Variants in ZNF536 observed in about 807,000 individuals in gnomAD.
ZNF536 encodes zinc finger protein 536.
In ZNF536, 13 loss-of-function variants were observed where a neutral mutation model predicts 84.5. The observed-to-expected ratio is 0.15, with a 90% CI of 0.10 to 0.24. The LOEUF (loss-of-function observed/expected upper bound fraction) is 0.24, where lower values mean the gene tolerates loss of function less well. ZNF536 is among the 10% of genes least tolerant of loss of function. The probability of loss-of-function intolerance (pLI) is 1.00; values close to 1 mark genes in which losing one functional copy is unlikely to be tolerated. For missense variants in ZNF536, 1,536 were observed against 1,747.5 expected (o/e 0.88, Z 2.16); for synonymous variants, 811 against 742.5 (o/e 1.09, Z -1.50).
Position 30,414,341 on chromosome 19 carries a change from A to G in ZNF536, c.-2-29220A>G, listed in dbSNP as rs11881190. 5.5e-3 allele frequency among the ~76,000 whole-genome samples: 832 copies of G among 152,174 alleles called. 7 individuals are homozygous for G. The highest frequency in any genetic ancestry group is 0.018 in the African/African-American group (763 of 41,528). Reference sequence around the variant, plus strand: ...ATTTGAAATTCTTTCTTTTTTATACATGATTTTAACCCATTAACATTTATT... The same window carrying G: ...ATTTGAAATTCTTTCTTTTTTATACGTGATTTTAACCCATTAACATTTATT... On this transcript the variant is annotated intron_variant, in intron 1 of 4. Coordinates refer to ENST00000355537, the MANE Select transcript of ZNF536 (RefSeq NM_014717.3).
At chr19:30,473,888 C>A (rs940996677) in intron 2 of ZNF536, among the ~76,000 whole-genome samples, 1 of 152,226 alleles carries the variant, frequency 6.6e-6, no homozygotes, top group Non-Finnish European at 1.5e-5. Context: ...CTCAGTTCCA[C>A]CAGGCACCAG....
At chr19:30,475,971 G>C (rs1442255653) in intron 2 of ZNF536, among the ~76,000 whole-genome samples, 1 of 152,126 alleles carries the variant, frequency 6.6e-6, no homozygotes, top group East Asian at 1.9e-4. Flanking sequence ...TGGTAGCTTT[G>C]TTCTGATGAT....
chr19:30,609,630 G>A, intron 1 of ZNF536, among the ~76,000 whole-genome samples: 1 of 152,220 alleles, frequency 6.6e-6, no homozygotes, highest in East Asian at 1.9e-4. Flanking sequence ...AATGAAGCTT[G>A]TATAGTTAGG....
intron 1 of ZNF536, among the ~76,000 whole-genome samples, chr19:30,415,911 A>C (rs1288491264): frequency 2.6e-5 from 4 of 152,202 alleles, no homozygotes; most frequent in African/African-American, 9.6e-5. Context: ...TGCCCGGCCC[A>C]TCATCATCAT....
At chr19:30,596,902 A>G (rs966123749) in intron 1 of ZNF536, among the ~76,000 whole-genome samples, 21 of 150,612 alleles carry the variant, frequency 1.4e-4, no homozygotes, top group Non-Finnish European at 5.9e-5. Flanking sequence ...CTCTCTTATT[A>G]CTGGACTAGC....
In ZNF536 at chr19:30,472,600, C is replaced by T. The variant is rs190713238; in HGVS notation, c.2170+26868C>T. On this transcript the variant is annotated intron_variant, in intron 2 of 4. Coordinates refer to ENST00000355537, the MANE Select transcript of ZNF536 (RefSeq NM_014717.3). ...AGTGTAGTGATGGATAAACGCACTT[C>T]GAGGCACAGGTGACTTAAAGAAATT... 3.5e-3 allele frequency among the ~76,000 whole-genome samples: 531 copies of T among 152,238 alleles called. 3 individuals are homozygous for T. The highest frequency in any genetic ancestry group is 0.012 in the African/African-American group (507 of 41,526).
intron 2 of ZNF536, among the ~76,000 whole-genome samples, chr19:30,285,521 G>A (rs1035771219): frequency 2.0e-5 from 3 of 152,208 alleles, no homozygotes; most frequent in Non-Finnish European, 4.4e-5. Flanking sequence ...GAAAGGCAAA[G>A]TAGGAAGCAA....
rs1305290977 is a variant in ZNF536, at chr19:30,564,546, G to C, written c.169+15032G>C. Among the ~76,000 whole-genome samples, 4 of 152,100 alleles carry C rather than the reference G, an allele frequency of 2.6e-5. No homozygotes were observed. The East Asian group carries it at 7.8e-4, about 29-fold the overall frequency. On this transcript the variant is annotated intron_variant, in intron 1 of 1. Coordinates refer to the ZNF536 transcript ENST00000592773. ...CACTGCTGGTGGTCCTGGTGGTCAGGCTGGGGAGAAGGGTGCTCAGTGGCT... is the reference window on the plus strand; with the variant it reads ...CACTGCTGGTGGTCCTGGTGGTCAGCCTGGGGAGAAGGGTGCTCAGTGGCT...
At chr19:30,355,800 A>G (rs1000778697) in intron 3 of ZNF536, among the ~76,000 whole-genome samples, 6 of 152,102 alleles carry the variant, frequency 3.9e-5, no homozygotes, top group African/African-American at 1.4e-4. Context: ...GTGAACTGCG[A>G]ATGTGAGGGA....
chr19:30,494,425 G>C (rs1264145494), intron 2 of ZNF536, among the ~76,000 whole-genome samples: 1 of 152,190 alleles, frequency 6.6e-6, no homozygotes, highest in Non-Finnish European at 1.5e-5. Context: ...AAGGCACCTG[G>C]TAAGGCTGGG....
chr19:30,259,775 C>T (rs1394968383), intron 1 of ZNF536, among the ~76,000 whole-genome samples: 5 of 152,018 alleles, frequency 3.3e-5, no homozygotes, highest in African/African-American at 1.2e-4. Context: ...TTTTCTGAGA[C>T]AGAGTCTTGC....
At chr19:30,493,756 A>G (rs1036783041) in intron 2 of ZNF536, among the ~76,000 whole-genome samples, 1 of 152,188 alleles carries the variant, frequency 6.6e-6, no homozygotes, top group African/African-American at 2.4e-5. Context: ...CGTTCCACTT[A>G]GGGGCTGTTC....
Position 30,364,068 on chromosome 19 carries a change from AT to A in ZNF536, c.-3+11585del, listed in dbSNP as rs568394196. On this transcript the variant is annotated intron_variant, in intron 3 of 5. Coordinates refer to the ZNF536 transcript ENST00000585628. ...GATACAGGTGTGAGATGTATAGGAT[AT>A]AGCATAAGAGCAGGCAAGCGTGGAG... Among the ~76,000 whole-genome samples the A allele has an allele frequency of 4.9e-4, 75 of 152,318 alleles. 2 individuals carry two copies. The South Asian group carries it at 0.014, about 29-fold the overall frequency.
chr19:30,648,129 C>T (rs989103488), intron 1 of ZNF536, among the ~76,000 whole-genome samples: 2 of 152,044 alleles, frequency 1.3e-5, no homozygotes, highest in African/African-American at 4.8e-5. Flanking sequence ...TGCCTGTGTT[C>T]CCAGAACACA....
At chr19:30,681,776 C>A (rs532742836) in intron 1 of ZNF536, among the ~76,000 whole-genome samples, 1 of 152,304 alleles carries the variant, frequency 6.6e-6, no homozygotes, top group South Asian at 2.1e-4. Flanking sequence ...CTCCAGTCCT[C>A]CAGGTCCAGT....
intron 2 of ZNF536, among the ~76,000 whole-genome samples, chr19:30,458,536 T>G (rs1469808416): frequency 7.2e-6 from 1 of 138,052 alleles, no homozygotes; most frequent in Non-Finnish European, 1.5e-5. Context: ...CACTGCAACC[T>G]CCACCTCCCA....
intron 2 of ZNF536, among the ~76,000 whole-genome samples, chr19:30,480,365 C>T (rs991896476): frequency 1.3e-5 from 2 of 152,180 alleles, no homozygotes; most frequent in Non-Finnish European, 2.9e-5. Context: ...AACTATAGTT[C>T]CTTTCTCAGT....
chr19:30,258,668 T>C (rs992597928), intron 1 of ZNF536, among the ~76,000 whole-genome samples: 1 of 151,646 alleles, frequency 6.6e-6, no homozygotes, highest in Non-Finnish European at 1.5e-5. Context: ...AAGTCATATG[T>C]AGTCATCAAA....
intron 1 of ZNF536, among the ~76,000 whole-genome samples, chr19:30,701,483 AC>A (rs2051972971): frequency 2.0e-5 from 3 of 151,874 alleles, no homozygotes; most frequent in African/African-American, 7.3e-5. Flanking sequence ...ACAGACACAC[AC>A]AAACACACAC....
Sources: allele counts gnomAD v4.1 joint callset (sites outside exome capture counted in the v4.1 genomes callset), GRCh38; gene constraint gnomAD v4.1.1; transcripts MANE v1.5; gene names NCBI Gene and HGNC (gene_info 2026-07-23, HGNC 2026-07-21).